Variants in CLDN14 observed in about 807,000 individuals in gnomAD.
CLDN14 encodes the protein claudin-14.
Under a neutral mutation model 2.1 loss-of-function variants are expected in CLDN14, and 2 were observed. The ratio of observed to expected loss-of-function variants is 0.96; its 90% CI spans 0.39 to 3.01. The LOEUF (loss-of-function observed/expected upper bound fraction) is 3.01, where lower values mean the gene tolerates loss of function less well. Ranked by LOEUF, CLDN14 falls within the 30% of genes most tolerant of loss-of-function variation. The pLI, the probability that CLDN14 is intolerant of heterozygous loss-of-function variation, is 0.09. For missense variants in CLDN14, 298 were observed against 328.0 expected (o/e 0.91, Z 0.71); for synonymous variants, 136 against 154.4 (o/e 0.88, Z 0.88).
chr21:36,491,771 GTA>G (rs1486724419), intron 2 of CLDN14, among the ~76,000 whole-genome samples: 3 of 152,172 alleles, frequency 2.0e-5, no homozygotes, highest in Non-Finnish European at 4.4e-5. Context: ...GTGTGAGGCT[GTA>G]CAGCTTTCCC....
chr21:36,525,279 T>C (rs2087315019), intron 1 of CLDN14, among the ~76,000 whole-genome samples: 1 of 151,632 alleles, frequency 6.6e-6, no homozygotes, highest in South Asian at 2.1e-4. Context: ...TGACATGCAC[T>C]AGGGGACTCT....
intron 1 of CLDN14, among the ~76,000 whole-genome samples, chr21:36,476,110 G>C (rs903414834): frequency 1.3e-5 from 2 of 152,186 alleles, no homozygotes; most frequent in Admixed American, 6.5e-5. Flanking sequence ...CTGAGATGGA[G>C]ACAGGTGTCT....
intron 1 of CLDN14, among the ~76,000 whole-genome samples, chr21:36,514,039 T>C (rs1418813641): frequency 6.6e-6 from 1 of 152,084 alleles, no homozygotes; most frequent in Non-Finnish European, 1.5e-5. Context: ...TATTTTTTTG[T>C]AGAGACAGGG....
intron 2 of CLDN14, among the ~76,000 whole-genome samples, chr21:36,494,827 C>T (rs138723799): frequency 6.6e-6 from 1 of 152,314 alleles, no homozygotes; most frequent in African/African-American, 2.4e-5. Context: ...TTGTTTAAGC[C>T]GCCCTGTCTG....
chr21:36,558,303 T>C (rs2087612344), intron 1 of CLDN14, among the ~76,000 whole-genome samples: 1 of 152,226 alleles, frequency 6.6e-6, no homozygotes, highest in Non-Finnish European at 1.5e-5. Context: ...TAGGATTTTT[T>C]TTCTGTTTCT....
At chr21:36,511,858 G>C (rs1040321930) in intron 1 of CLDN14, among the ~76,000 whole-genome samples, 1 of 152,142 alleles carries the variant, frequency 6.6e-6, no homozygotes, top group Non-Finnish European at 1.5e-5. Flanking sequence ...TGATAGCCTC[G>C]TACTGAAGTA....
chr21:36,500,991 G>A (rs1434357880), intron 2 of CLDN14, among the ~76,000 whole-genome samples: 2 of 152,252 alleles, frequency 1.3e-5, no homozygotes, highest in Non-Finnish European at 2.9e-5. Flanking sequence ...AACTCGGAGA[G>A]CTTAAATCAG....
chr21:36,517,821 C>A (rs1255591947), intron 1 of CLDN14, among the ~76,000 whole-genome samples: 1 of 152,136 alleles, frequency 6.6e-6, no homozygotes, highest in Non-Finnish European at 1.5e-5. Flanking sequence ...ACATTTAAAT[C>A]AGCCAAGTTG....
chr21:36,514,546 TG>T (rs144423639), intron 1 of CLDN14, among the ~76,000 whole-genome samples: 1 of 152,136 alleles, frequency 6.6e-6, no homozygotes, highest in East Asian at 1.9e-4. Context: ...TATCTTAAAC[TG>T]GGATAATCTC....
At chr21:36,529,534 C>T (rs2087363081) in intron 1 of CLDN14, among the ~76,000 whole-genome samples, 1 of 152,080 alleles carries the variant, frequency 6.6e-6, no homozygotes, top group African/African-American at 2.4e-5. Flanking sequence ...CAGAGGCCTC[C>T]CAAAGTGCTG....
rs75486471 is a variant in CLDN14 at position 36,567,152 on chromosome 21, C to T, written c.-220+9259G>A. The stretch of plus-strand genomic sequence containing the variant: ...CATTCAGGACTCACCAACTATTAGG[C>T]GGCTTGGAGGCAGAAGCCTACCCTG... On this transcript the variant is annotated intron_variant, in intron 1 of 2. Transcript: ENST00000342108. Among the ~76,000 whole-genome samples the T allele has an allele frequency of 5.0e-3, 758 of 152,306 alleles. 23 individuals are homozygous for T. In the East Asian group the frequency reaches 0.081, roughly 16 times the overall value.
intron 2 of CLDN14, among the ~76,000 whole-genome samples, chr21:36,495,550 A>G (rs2087008141): frequency 6.6e-6 from 1 of 152,232 alleles, no homozygotes; most frequent in Non-Finnish European, 1.5e-5. Context: ...TGACTTCATC[A>G]AAAAAGCAGG....
At chr21:36,493,744 G>A (rs747712892) in intron 2 of CLDN14, among the ~76,000 whole-genome samples, 1 of 152,118 alleles carries the variant, frequency 6.6e-6, no homozygotes, top group Non-Finnish European at 1.5e-5. Flanking sequence ...ATCATTGGAG[G>A]AGGCCCCATT....
chr21:36,494,007 A>G (rs1568857787), intron 2 of CLDN14, among the ~76,000 whole-genome samples: 1 of 152,184 alleles, frequency 6.6e-6, no homozygotes. Flanking sequence ...GGGGATCACC[A>G]TGGTGGACTT....
At chr21:36,507,985 C>A (rs1000570269) in intron 2 of CLDN14, among the ~76,000 whole-genome samples, 1 of 152,144 alleles carries the variant, frequency 6.6e-6, no homozygotes, top group Admixed American at 6.5e-5. Context: ...TAAAAATATA[C>A]ACACATATAT....
chr21:36,483,702 C>T (rs1312445534), upstream of CLDN14, among the ~76,000 whole-genome samples: 2 of 152,198 alleles, frequency 1.3e-5, no homozygotes, highest in Non-Finnish European at 2.9e-5. Context: ...TGCAAAGTGC[C>T]CGGCGTGGTG....
At chr21:36,574,719 A>G (rs939730378) in intron 1 of CLDN14, among the ~76,000 whole-genome samples, 1 of 152,176 alleles carries the variant, frequency 6.6e-6, no homozygotes, top group Non-Finnish European at 1.5e-5. Context: ...ACCTAAATTA[A>G]TTTTTTTAAG....
At chr21:36,468,697 C>T (rs1220123388) in intron 1 of CLDN14, among the ~76,000 whole-genome samples, 4 of 152,056 alleles carry the variant, frequency 2.6e-5, no homozygotes, top group South Asian at 2.1e-4. Flanking sequence ...GTAACTCTTA[C>T]GCTATGATGT....
At chr21:36,475,484 A>T (rs2086766637) in intron 1 of CLDN14, among the ~76,000 whole-genome samples, 1 of 152,350 alleles carries the variant, frequency 6.6e-6, no homozygotes, top group South Asian at 2.1e-4. Context: ...GGGTCCATGC[A>T]TGGGAATTTT....
Sources: gnomAD v4.1 joint callset for allele counts (sites outside exome capture counted in the v4.1 genomes callset) on GRCh38, gnomAD v4.1.1 for gene constraint, MANE v1.5 for transcripts, NCBI Gene and HGNC (gene_info 2026-07-23, HGNC 2026-07-21) for gene names.